Variants in PPP1R3F observed in about 807,000 individuals in gnomAD.
PPP1R3F encodes the protein protein phosphatase 1 regulatory subunit 3F, also known as protein phosphatase 1, regulatory (inhibitor) subunit 3F.
PPP1R3F carries 29 observed loss-of-function variants against 24.2 expected under a neutral mutation model. The ratio of observed to expected loss-of-function variants is 1.20; its 90% CI spans 0.89 to 1.63. PPP1R3F has a LOEUF of 1.63. PPP1R3F is among the 40% of genes most tolerant of loss of function. PPP1R3F has a pLI of 0.00. For missense variants in PPP1R3F, 823 were observed against 729.3 expected, an observed-to-expected ratio of 1.13 and a Z score of -1.48; for synonymous variants, 363 against 340.1, an observed-to-expected ratio of 1.07 and a Z score of -0.74.
At chrX:49,292,620 G>A (rs1295224513), downstream of PPP1R3F, among the ~76,000 whole-genome samples, 1 of 112,961 alleles carries the variant, frequency 8.9e-6, no homozygotes, top group Non-Finnish European at 1.9e-5. Context: ...CCTGAACGCC[G>A]GGTCTAGAAG....
intron 1 of PPP1R3F, among the ~76,000 whole-genome samples, chrX:49,276,505 C>T (rs1007252379): frequency 8.9e-6 from 1 of 112,105 alleles, no homozygotes; most frequent in Non-Finnish European, 1.9e-5. Flanking sequence ...TTTCAACAAG[C>T]ATTAAAAAGA....
Position 49,283,142 on chromosome X carries a change from T to C in PPP1R3F, c.1143+1079T>C, listed in dbSNP as rs1289120586. 3.6e-5 allele frequency among the ~76,000 whole-genome samples: 4 copies of C among 111,623 alleles called. No homozygotes were observed. In the Admixed American group the frequency reaches 3.8e-4, roughly 11 times the overall value. ...AAATATCAACACGTGCTCATTCTTATTTTATCTGTACCCCGTCTCCTCCCT... is the reference window on the plus strand; with the variant it reads ...AAATATCAACACGTGCTCATTCTTACTTTATCTGTACCCCGTCTCCTCCCT... On this transcript the variant is annotated intron_variant, in intron 3 of 3. Coordinates refer to ENST00000055335, the MANE Select transcript of PPP1R3F (RefSeq NM_033215.5).
chrX:49,280,549 C>CTTTTTTTTTTTTTTTTTTTTTT (rs782591947), intron 1 of PPP1R3F, among the ~76,000 whole-genome samples: 1 of 79,633 alleles, frequency 1.3e-5, no homozygotes, highest in African/African-American at 4.2e-5. Flanking sequence ...GCGTCTGGCC[C>CTTTTTTTTTTTTTTTTTTTTTT]TTTTTTTTTT....
intron 1 of PPP1R3F, among the ~76,000 whole-genome samples, chrX:49,276,693 A>G (rs915985383): frequency 1.8e-5 from 2 of 112,053 alleles, no homozygotes; most frequent in Non-Finnish European, 3.8e-5. Flanking sequence ...GAATGAAGTC[A>G]TGGCTGTTGA....
intron 3 of PPP1R3F, among the ~76,000 whole-genome samples, chrX:49,299,193 G>A (rs1384064833): frequency 9.0e-6 from 1 of 111,724 alleles, no homozygotes; most frequent in Non-Finnish European, 1.9e-5. Flanking sequence ...GGGTTTCTGT[G>A]TGGATGTCCT....
chrX:49,284,659 A>T (rs1375580690), intron 3 of PPP1R3F, among the ~76,000 whole-genome samples: 1 of 109,091 alleles, frequency 9.2e-6, no homozygotes, highest in Middle Eastern at 4.9e-3. Context: ...TTACAGGCAC[A>T]TGCCACCACA....
downstream of PPP1R3F, among the ~76,000 whole-genome samples, chrX:49,288,375 TCA>T (rs2066299211): frequency 2.7e-5 from 3 of 112,605 alleles, no homozygotes; most frequent in South Asian, 1.1e-3. Flanking sequence ...CACACTCTCC[TCA>T]TTTCCCTTCT....
chrX:49,273,723 C>T (rs1021355373), intron 1 of PPP1R3F: 1 of 112,406 alleles, frequency 8.9e-6, no homozygotes, highest in African/African-American at 3.2e-5. Flanking sequence ...ATATCCCTTA[C>T]CTGTGGGAGC....
At chrX:49,270,917 T>C in intron 1 of PPP1R3F, 44 bp downstream of exon 1, 1 of 1,122,455 alleles carries the variant, frequency 8.9e-7, no homozygotes, top group African/African-American at 1.8e-5. Flanking sequence ...GGGCTGTGTC[T>C]GGGATGGAGG....
At position 49,270,260 on chromosome X, in the gene PPP1R3F, T is replaced by G; in HGVS notation, c.391T>G (p.Leu131Val). ...LPPAPGRLERLGRVMVELEAL... is the reference protein window; with the variant it reads ...LPPAPGRLERVGRVMVELEAL... The stretch of plus-strand genomic sequence containing the variant: ...GCCCGCGCCGGGCCGTCTGGAGCGC[T>G]TGGGGCGCGTCATGGTGGAGCTGGA... The change falls in exon 1 of 4, where the codon TTG becomes GTG. Residue 131 changes from leucine to valine, a missense_variant. Physicochemically the swap from Leu to Val is conservative, Grantham distance 32 (BLOSUM62 1). Coordinates refer to ENST00000055335, the MANE Select transcript of PPP1R3F (RefSeq NM_033215.5). The G allele has an allele frequency of 2.7e-6, 3 of 1,099,881 alleles. No homozygotes were observed. The highest frequency in any genetic ancestry group is 3.5e-6 in the Non-Finnish European group (3 of 849,566). The allele number at this position is 1,099,881 out of a possible 1,213,427, so 90.6% of individuals were successfully genotyped here. A position where few individuals can be genotyped will look rare whatever the true frequency, so the allele number is the denominator to read the frequency against.
rs1301567711 is a variant in PPP1R3F at position 49,270,762 on chromosome X, GGCTGCCCCAGCAGCAGCA to G, written c.900_917del (p.Gln302_Gln307del). 48 of 1,199,232 alleles carry G rather than the reference GGCTGCCCCAGCAGCAGCA, an allele frequency of 4.0e-5. No individual in the cohort carries two copies. The highest frequency in any genetic ancestry group is 5.3e-5 in the Non-Finnish European group (47 of 889,771). On this transcript the variant is annotated inframe_deletion, in exon 1 of 4. Transcript: ENST00000055335. The stretch of plus-strand genomic sequence containing the variant: ...GCTCCCACACCCACTGATGCCGAAG[GGCTGCCCCAGCAGCAGCA>G]GCTGCCGCAGCTGGAGCCACAGCCC...
In PPP1R3F at chrX:49,299,665, G is replaced by T. The variant is rs2066332019; in HGVS notation, c.393-1686G>T. Among the ~76,000 whole-genome samples, 3 of 112,079 alleles carry T rather than the reference G, an allele frequency of 2.7e-5. 1 individual carries two copies. In the South Asian group the frequency reaches 1.1e-3, roughly 41 times the overall value. ...AGAAAGATGGGAGTTTTATCTATAA[G>T]CCCCTGCCTGGGGCTGCTGCCTTTC... is the stretch of plus-strand genomic sequence containing the variant. On this transcript the variant is annotated intron_variant, in intron 3 of 3. Coordinates refer to the PPP1R3F transcript ENST00000471261.
intron 3 of PPP1R3F, among the ~76,000 whole-genome samples, chrX:49,299,262 C>T (rs1001196081): frequency 4.1e-4 from 46 of 112,286 alleles, no homozygotes; most frequent in African/African-American, 1.4e-3. Context: ...AACAGTCAGG[C>T]CCCTCTGCTG....
intron 1 of PPP1R3F, among the ~76,000 whole-genome samples, chrX:49,277,640 A>G (rs1216336737): frequency 8.9e-6 from 1 of 112,055 alleles, no homozygotes; most frequent in Admixed American, 9.4e-5. Flanking sequence ...TACTATCCTC[A>G]TGTTGATTGA....
intron 2 of PPP1R3F, 56 bp downstream of exon 2, chrX:49,281,517 C>G: frequency 1.0e-6 from 1 of 1,001,080 alleles, no homozygotes; most frequent in East Asian, 3.1e-5. Flanking sequence ...GTCTTTCTTC[C>G]TACTGTTTTT....
chrX:49,270,316 C>T lies in PPP1R3F; in HGVS notation c.447C>T (p.Pro149=), dbSNP rs2147957971. Residue 149 remains proline, a synonymous_variant, in exon 1 of 4, where the codon CCC becomes CCT. Transcript: ENST00000055335. ...EALLPPPGAV[P]GGAGVWVPGG... Reference sequence around the variant, plus strand: ...TGCTGCCGCCTCCCGGAGCGGTCCCCGGGGGTGCCGGGGTGTGGGTGCCTG... The same window carrying T: ...TGCTGCCGCCTCCCGGAGCGGTCCCTGGGGGTGCCGGGGTGTGGGTGCCTG... 2 of 1,124,371 alleles carry T rather than the reference C, an allele frequency of 1.8e-6. No individual in the cohort carries two copies. The highest frequency in any genetic ancestry group is 2.3e-6 in the Non-Finnish European group (2 of 858,677). The allele number at this position is 1,124,371 out of a possible 1,213,427, so 92.7% of individuals were successfully genotyped here. A position where few individuals can be genotyped will look rare whatever the true frequency, so the allele number is the denominator to read the frequency against.
chrX:49,287,303 T>A lies in PPP1R3F; in HGVS notation c.*213T>A, dbSNP rs916441004. 2.5e-6 allele frequency: 1 copy of A among 407,990 alleles called. No individual in the cohort carries two copies. The highest frequency in any genetic ancestry group is 2.6e-5 in the African/African-American group (1 of 39,029). The allele number at this position is 407,990 out of a possible 1,213,427, so 33.6% of individuals were successfully genotyped here. The stretch of plus-strand genomic sequence containing the variant: ...GTGAGGGGAACTTTTAGAGTGGAAC[T>A]GGGCATGTCCTCCGCCTACCCCCCG... On this transcript the variant is annotated 3_prime_UTR_variant, in exon 4 of 4. Coordinates refer to ENST00000055335, the MANE Select transcript of PPP1R3F (RefSeq NM_033215.5).
At chrX:49,301,037 A>G (rs2066335992) in intron 3 of PPP1R3F, among the ~76,000 whole-genome samples, 2 of 112,805 alleles carry the variant, frequency 1.8e-5, no homozygotes, top group South Asian at 7.2e-4. Context: ...CCATGACTTT[A>G]GTACTTCCTG....
chrX:49,300,987 G>A (rs1557123301), intron 3 of PPP1R3F, among the ~76,000 whole-genome samples: 1 of 112,133 alleles, frequency 8.9e-6, no homozygotes, highest in Non-Finnish European at 1.9e-5. Flanking sequence ...GTAAGTTTCA[G>A]ATTTTGAGAC....
Sources: gnomAD v4.1 joint callset for allele counts (sites outside exome capture counted in the v4.1 genomes callset) on GRCh38, gnomAD v4.1.1 for gene constraint, MANE v1.5 for transcripts, NCBI Gene and HGNC (gene_info 2026-07-23, HGNC 2026-07-21) for gene names.